Variants in CHODL observed in about 807,000 individuals in gnomAD.
CHODL encodes the protein chondrolectin, also known as transmembrane protein MT75.
A neutral mutation model predicts 34.5 loss-of-function variants in CHODL; 29 were observed. That is an observed-to-expected ratio of 0.84 (90% CI 0.63 to 1.15). The LOEUF is 1.15. Among genes scored for constraint, CHODL ranks in the 50% most tolerant of loss-of-function variants. The pLI is 0.00. For synonymous variants in CHODL, 125 were observed against 116.1 expected (o/e 1.08, Z -0.49); for missense variants, 332 against 332.5 (o/e 1.00, Z 0.01).
chr21:18,010,974 TCTTA>T (rs1402911566), intron 1 of CHODL, among the ~76,000 whole-genome samples: 1 of 152,222 alleles, frequency 6.6e-6, no homozygotes, highest in African/African-American at 2.4e-5. Flanking sequence ...TAGAAGACAT[TCTTA>T]CTTCTGAATA....
At chr21:18,228,416 G>T (rs1185706255) in intron 2 of CHODL, among the ~76,000 whole-genome samples, 1 of 152,048 alleles carries the variant, frequency 6.6e-6, no homozygotes, top group Admixed American at 6.6e-5. Context: ...CCCACAGATG[G>T]TTTTATCTTA....
chr21:17,996,793 T>C, intron 1 of CHODL, among the ~76,000 whole-genome samples: 1 of 152,182 alleles, frequency 6.6e-6, no homozygotes, highest in East Asian at 1.9e-4. Flanking sequence ...CAGAGGCTGG[T>C]TGACTATTTT....
chr21:18,123,234 C>T (rs1279662338), intron 2 of CHODL, among the ~76,000 whole-genome samples: 5 of 152,116 alleles, frequency 3.3e-5, no homozygotes, highest in African/African-American at 1.2e-4. Flanking sequence ...AAAAGTAAAG[C>T]CCAATATTAT....
intron 1 of CHODL, among the ~76,000 whole-genome samples, chr21:18,003,614 T>A (rs1376938559): frequency 2.0e-5 from 3 of 152,194 alleles, no homozygotes; most frequent in Non-Finnish European, 4.4e-5. Flanking sequence ...TAATTCTGCC[T>A]TGTGGAAGTG....
At chr21:18,046,653 A>T (rs1331832309) in intron 2 of CHODL, among the ~76,000 whole-genome samples, 1 of 152,000 alleles carries the variant, frequency 6.6e-6, no homozygotes, top group Non-Finnish European at 1.5e-5. Flanking sequence ...TAGAAATCCA[A>T]ATGGAAATTT....
At chr21:18,141,931 G>C (rs2072808793) in intron 2 of CHODL, among the ~76,000 whole-genome samples, 1 of 152,024 alleles carries the variant, frequency 6.6e-6, no homozygotes, top group South Asian at 2.1e-4. Context: ...ACTGACCGGT[G>C]CTTCACTTAA....
chr21:17,961,383 C>G (rs1468183532), intron 1 of CHODL, among the ~76,000 whole-genome samples: 1 of 152,188 alleles, frequency 6.6e-6, no homozygotes, highest in East Asian at 1.9e-4. Context: ...CTGGGAATCT[C>G]ATTAATCTCT....
At chr21:18,043,358 G>A (rs1372688438) in intron 2 of CHODL, among the ~76,000 whole-genome samples, 1 of 151,984 alleles carries the variant, frequency 6.6e-6, no homozygotes, top group African/African-American at 2.4e-5. Flanking sequence ...GGACAAAGGA[G>A]CATGCCTGTG....
intron 2 of CHODL, among the ~76,000 whole-genome samples, chr21:18,199,666 A>T (rs6517802): frequency 0.76 from 115,282 of 152,010 alleles, 44,116 homozygotes; most frequent in East Asian, 0.89. Context: ...TTTTCCTATA[A>T]CTATGGTTTT....
intron 1 of CHODL, among the ~76,000 whole-genome samples, chr21:18,009,113 C>G (rs2824602): frequency 0.32 from 48,321 of 152,082 alleles, 9,249 homozygotes; most frequent in Non-Finnish European, 0.44. Flanking sequence ...TCTCATCATT[C>G]TTCCGTCATA....
At chr21:18,248,957 TA>T (rs1168334337) in intron 1 of CHODL, among the ~76,000 whole-genome samples, 7 of 110,868 alleles carry the variant, frequency 6.3e-5, no homozygotes, top group African/African-American at 3.1e-4. Context: ...CATATATATG[TA>T]ATATATACAT....
At chr21:18,037,574 G>GTAACA (rs2146448736) in intron 2 of CHODL, among the ~76,000 whole-genome samples, 1 of 151,914 alleles carries the variant, frequency 6.6e-6, no homozygotes, top group African/African-American at 2.4e-5. Flanking sequence ...GATAGAAGTA[G>GTAACA]TAATGAGAAG....
intron 2 of CHODL, among the ~76,000 whole-genome samples, chr21:18,102,218 C>A (rs2023036868): frequency 6.6e-6 from 1 of 152,138 alleles, no homozygotes; most frequent in South Asian, 2.1e-4. Context: ...TTCCTTACAA[C>A]ATCTTGGTTA....
At chr21:17,983,799 C>T (rs61027422) in intron 1 of CHODL, among the ~76,000 whole-genome samples, 36,702 of 151,770 alleles carry the variant, frequency 0.24, 4,911 homozygotes, top group Non-Finnish European at 0.3. Flanking sequence ...TACAATTAGA[C>T]GAGTTTGGAC....
intron 2 of CHODL, among the ~76,000 whole-genome samples, chr21:18,216,989 A>T (rs149032967): frequency 2.6e-5 from 4 of 152,044 alleles, no homozygotes; most frequent in Admixed American, 2.6e-4. Flanking sequence ...GCAGGATTTC[A>T]TCCTTTTTTA....
In CHODL at chr21:17,920,517, C is replaced by T. The variant is rs144142196; in HGVS notation, c.-145+3117C>T. ...TAATTTAATCACCTCCCACTGGGTT[C>T]CTCCCATGACATATGAGAATTATGG... On this transcript the variant is annotated intron_variant, in intron 1 of 6. Transcript: ENST00000400127. Among the ~76,000 whole-genome samples, 1,206 of 152,274 alleles carry T rather than the reference C, an allele frequency of 7.9e-3. 17 individuals carry two copies. The highest frequency in any genetic ancestry group is 0.027 in the African/African-American group (1,119 of 41,542).
At chr21:17,940,432 A>T (rs1231557586) in intron 1 of CHODL, among the ~76,000 whole-genome samples, 1 of 152,194 alleles carries the variant, frequency 6.6e-6, no homozygotes, top group Non-Finnish European at 1.5e-5. Context: ...ATAATATTAG[A>T]AAAAAAGACA....
At chr21:17,929,376 C>T (rs1240269126) in intron 1 of CHODL, among the ~76,000 whole-genome samples, 7 of 152,180 alleles carry the variant, frequency 4.6e-5, no homozygotes, top group African/African-American at 1.7e-4. Context: ...AAAATAAGGG[C>T]TTCTGGTTCA....
intron 2 of CHODL, among the ~76,000 whole-genome samples, chr21:18,049,624 G>A (rs552906388): frequency 6.6e-6 from 1 of 152,040 alleles, no homozygotes; most frequent in South Asian, 2.1e-4. Flanking sequence ...TTCTGCTGAG[G>A]CCTCTCTCCT....
Sources: allele counts gnomAD v4.1 joint callset (sites outside exome capture counted in the v4.1 genomes callset), GRCh38; gene constraint gnomAD v4.1.1; transcripts MANE v1.5; gene names NCBI Gene and HGNC (gene_info 2026-07-23, HGNC 2026-07-21).